Variants in DNAAF11 observed in about 807,000 individuals in gnomAD.
The protein encoded by DNAAF11 is dynein axonemal assembly factor 11, also known as leucine rich repeat containing 6.
Under a neutral mutation model 60.8 loss-of-function variants are expected in DNAAF11, and 45 were observed. That is an observed-to-expected ratio of 0.74 (90% CI 0.58 to 0.95). DNAAF11 has a LOEUF of 0.95. Among genes scored for constraint, DNAAF11 ranks in the 40% least tolerant of loss-of-function variants. DNAAF11 has a pLI of 0.00. For missense variants in DNAAF11, 546 were observed against 546.2 expected, an observed-to-expected ratio of 1.00 and a Z score of 0.00; for synonymous variants, 191 against 183.5, an observed-to-expected ratio of 1.04 and a Z score of -0.33.
chr8:132,660,061 G>C (rs531143282), intron 2 of DNAAF11, among the ~76,000 whole-genome samples: 1 of 152,270 alleles, frequency 6.6e-6, no homozygotes, highest in Admixed American at 6.5e-5. Flanking sequence ...ACAGGGGTTG[G>C]CACTCACTCT....
chr8:132,693,982 A>G, the DNAAF11 span, among the ~76,000 whole-genome samples: 1 of 152,166 alleles, frequency 6.6e-6, no homozygotes, highest in South Asian at 2.1e-4. Context: ...AAGGAATGTT[A>G]TACTCTGATT....
chr8:132,694,317 C>A, the DNAAF11 span, among the ~76,000 whole-genome samples: 5 of 152,244 alleles, frequency 3.3e-5, no homozygotes, highest in Middle Eastern at 3.4e-3. Flanking sequence ...AAGGTAAGAT[C>A]ATCAGTGTGG....
chr8:132,590,163 C>G (rs1300336189), intron 10 of DNAAF11, among the ~76,000 whole-genome samples: 1 of 152,182 alleles, frequency 6.6e-6, no homozygotes. Context: ...TGCTGGCCTT[C>G]CATGTTAACT....
chr8:132,600,594 C>G (rs1475161891), intron 10 of DNAAF11, among the ~76,000 whole-genome samples: 3 of 152,012 alleles, frequency 2.0e-5, no homozygotes, highest in Admixed American at 6.6e-5. Context: ...CAATGGAACA[C>G]AACAGAGCCC....
intron 1 of DNAAF11, among the ~76,000 whole-genome samples, chr8:132,673,348 A>C (rs909658654): frequency 1.3e-5 from 2 of 152,302 alleles, no homozygotes; most frequent in Non-Finnish European, 1.5e-5. Context: ...AAAGCATGTT[A>C]ACCAAGCCTG....
chr8:132,633,839 G>C (rs1790709385), intron 4 of DNAAF11, among the ~76,000 whole-genome samples: 1 of 152,126 alleles, frequency 6.6e-6, no homozygotes, highest in African/African-American at 2.4e-5. Context: ...TAAAAATGCA[G>C]GTATCCTCTA....
chr8:132,625,561 CT>C, intron 5 of DNAAF11, 107 bp from the exon 6 acceptor site: 2 of 828,318 alleles, frequency 2.4e-6, no homozygotes, highest in Non-Finnish European at 1.8e-6. Context: ...ATCTTCTTAC[CT>C]TTGAATGACA....
chr8:132,625,726 C>A (rs1004666696), intron 5 of DNAAF11, among the ~76,000 whole-genome samples: 5 of 152,148 alleles, frequency 3.3e-5, no homozygotes, highest in African/African-American at 1.2e-4. Context: ...AATCAGATTC[C>A]AGGGTTCACA....
rs1414738941 is a variant in DNAAF11 at position 132,572,331 on chromosome 8, T to C, written c.1376A>G (p.Asn459Ser). The C allele has an allele frequency of 6.2e-7, 1 of 1,613,302 alleles. No homozygotes were observed. The highest frequency in any genetic ancestry group is 2.2e-5 in the East Asian group (1 of 44,866). ...PSEEDPTFED[N>S]PEVPPLI is the part of the protein sequence containing the mutation. Reference sequence around the variant, plus strand: ...TCAAATCAGCGGAGGCACTTCAGGGTTGTCTTCAAAGGTTGGGTCTTCCTC... The same window carrying C: ...TCAAATCAGCGGAGGCACTTCAGGGCTGTCTTCAAAGGTTGGGTCTTCCTC... Residue 459 changes from asparagine to serine, a missense_variant, in exon 12 of 12, where the codon AAC becomes AGC. Coordinates refer to ENST00000620350, the MANE Select transcript of DNAAF11 (RefSeq NM_012472.6).
chr8:132,595,569 A>G, intron 10 of DNAAF11, among the ~76,000 whole-genome samples: 1 of 152,028 alleles, frequency 6.6e-6, no homozygotes, highest in East Asian at 1.9e-4. Context: ...TATTTTGCAA[A>G]ATTTACTTCT....
At chr8:132,586,362 G>T (rs1221051466) in intron 10 of DNAAF11, among the ~76,000 whole-genome samples, 1 of 117,838 alleles carries the variant, frequency 8.5e-6, no homozygotes, top group African/African-American at 3.3e-5. Flanking sequence ...CACTTGAAAT[G>T]CGGTTAGTGC....
intron 10 of DNAAF11, among the ~76,000 whole-genome samples, chr8:132,584,113 G>A (rs1056921132): frequency 1.3e-5 from 2 of 152,100 alleles, no homozygotes; most frequent in Admixed American, 1.3e-4. Flanking sequence ...AGATGTGATG[G>A]AAACACTGCC....
intron 3 of DNAAF11, chr8:132,643,600 G>T: frequency 2.2e-6 from 1 of 455,804 alleles, no homozygotes; most frequent in South Asian, 1.6e-5. Flanking sequence ...ATACACGGAG[G>T]GTGGGTAGGA....
At chr8:132,668,602 C>T (rs1189044128) in intron 1 of DNAAF11, among the ~76,000 whole-genome samples, 1 of 152,060 alleles carries the variant, frequency 6.6e-6, no homozygotes, top group African/African-American at 2.4e-5. Context: ...CCACGCCTGG[C>T]TAATTTTTTT....
the DNAAF11 span, among the ~76,000 whole-genome samples, chr8:132,698,973 A>C: frequency 8.6e-3 from 1,283 of 149,620 alleles, 21 homozygotes; most frequent in South Asian, 0.041. Context: ...CACACACACA[A>C]AAAAAATTAG....
chr8:132,605,317 T>A (rs1818024400), intron 10 of DNAAF11, among the ~76,000 whole-genome samples: 1 of 152,080 alleles, frequency 6.6e-6, no homozygotes, highest in Non-Finnish European at 1.5e-5. Context: ...TCTAAATCCA[T>A]GGCAATAAAA....
intron 3 of DNAAF11, chr8:132,643,802 T>A (rs754115688): frequency 6.5e-5 from 29 of 444,602 alleles, no homozygotes; most frequent in Non-Finnish European, 1.1e-4. Flanking sequence ...GCAAAGGGAA[T>A]TGTGAGTAGC....
rs1226848249 is a variant in DNAAF11 at position 132,618,472 on chromosome 8, C to T, written c.915-3375G>A. The stretch of plus-strand genomic sequence containing the variant: ...GGGATCTAATTAAACTAAAGAGCTT[C>T]TGCACAGCAAAAGAAACTACCATCA... On this transcript the variant is annotated intron_variant, in intron 7 of 11. Coordinates refer to ENST00000620350, the MANE Select transcript of DNAAF11 (RefSeq NM_012472.6). Among the ~76,000 whole-genome samples the T allele has an allele frequency of 4.0e-5, 4 of 99,818 alleles. No homozygotes were observed. In the Admixed American group the frequency reaches 4.6e-4, roughly 12 times the overall value. 65.5% of individuals were successfully genotyped at this position (99,818 alleles called of 152,430 possible). A position where few individuals can be genotyped will look rare whatever the true frequency, so the allele number is the denominator to read the frequency against.
At chr8:132,609,103 C>G (rs1053582069) in intron 10 of DNAAF11, among the ~76,000 whole-genome samples, 1 of 152,106 alleles carries the variant, frequency 6.6e-6, no homozygotes, top group East Asian at 1.9e-4. Context: ...GACCCTACCC[C>G]TAGCTTATGG....
Sources: allele counts gnomAD v4.1 joint callset (sites outside exome capture counted in the v4.1 genomes callset), GRCh38; gene constraint gnomAD v4.1.1; transcripts MANE v1.5; gene names NCBI Gene and HGNC (gene_info 2026-07-23, HGNC 2026-07-21).